Variants in NBAS observed in about 807,000 individuals in gnomAD.
NBAS encodes the protein NBAS subunit of NRZ tethering complex.
A neutral mutation model predicts 302.5 loss-of-function variants in NBAS; 219 were observed. The ratio of observed to expected loss-of-function variants is 0.72; its 90% CI spans 0.65 to 0.81. The LOEUF (loss-of-function observed/expected upper bound fraction) is 0.81, where lower values mean the gene tolerates loss of function less well. Ranked by LOEUF, NBAS falls within the 30% of genes least tolerant of loss-of-function variation. NBAS has a pLI of 0.00. For missense variants in NBAS, 2,932 were observed against 2,841.6 expected (o/e 1.03, Z -0.72); for synonymous variants, 1,118 against 1,021.6 (o/e 1.09, Z -1.80).
At chr2:15,389,952 G>A (rs1026235720) in intron 28 of NBAS, among the ~76,000 whole-genome samples, 2 of 152,164 alleles carry the variant, frequency 1.3e-5, no homozygotes, top group African/African-American at 4.8e-5. Flanking sequence ...TGAGAAGACA[G>A]AACTGAAATT....
the NBAS span, among the ~76,000 whole-genome samples, chr2:15,018,550 C>T: frequency 2.0e-5 from 3 of 152,024 alleles, no homozygotes; most frequent in Non-Finnish European, 2.9e-5. Context: ...TTTCTGCACA[C>T]ATCTAAATAA....
At chr2:15,532,698 T>A (rs1018204244) in intron 9 of NBAS, among the ~76,000 whole-genome samples, 8 of 151,660 alleles carry the variant, frequency 5.3e-5, no homozygotes, top group African/African-American at 1.7e-4. Context: ...ATGAAAACAA[T>A]CAAAAGAATC....
chr2:15,233,551 T>C (rs12616994), intron 46 of NBAS, among the ~76,000 whole-genome samples: 90,937 of 152,070 alleles, frequency 0.6, 30,014 homozygotes, highest in African/African-American at 0.87. Flanking sequence ...CCAAAAGGTA[T>C]GAAATATGGC....
chr2:15,559,062 CA>C (rs70961421), intron 1 of NBAS, among the ~76,000 whole-genome samples: 13,557 of 48,776 alleles, frequency 0.28, 1,033 homozygotes, highest in East Asian at 0.64. Context: ...GACCCTGCCT[CA>C]AAAAAAAAAA....
intron 3 of NBAS, 82 bp from the exon 4 acceptor site, chr2:15,554,220 G>A (rs968483029): frequency 8.9e-7 from 1 of 1,126,000 alleles, no homozygotes; most frequent in South Asian, 1.3e-5. Flanking sequence ...TATACTTATA[G>A]AGAGAGACAC....
At chr2:14,923,735 GGAGT>G in the NBAS span, among the ~76,000 whole-genome samples, 1 of 152,192 alleles carries the variant, frequency 6.6e-6, no homozygotes, top group African/African-American at 2.4e-5. Context: ...TGCATTCTGA[GGAGT>G]GAGAAGTGAT....
intron 9 of NBAS, among the ~76,000 whole-genome samples, chr2:15,513,719 T>C (rs1056152579): frequency 6.6e-6 from 1 of 151,412 alleles, no homozygotes; most frequent in African/African-American, 2.4e-5. Flanking sequence ...TTGGATGCAG[T>C]GGCTCATGTC....
intron 11 of NBAS, among the ~76,000 whole-genome samples, chr2:15,494,870 A>C (rs926069689): frequency 1.5e-4 from 23 of 152,246 alleles, no homozygotes; most frequent in Admixed American, 5.9e-4. Context: ...CTTCCACTTT[A>C]ATTCTGCATT....
chr2:15,144,049 A>ATATATATATATATATC, the NBAS span, among the ~76,000 whole-genome samples: 2 of 86,230 alleles, frequency 2.3e-5, no homozygotes, highest in South Asian at 9.2e-4. Flanking sequence ...ATATATAAAA[A>ATATATATATATATATC]TATATATATA....
chr2:15,081,730 A>G, the NBAS span, among the ~76,000 whole-genome samples: 1 of 152,210 alleles, frequency 6.6e-6, no homozygotes, highest in Non-Finnish European at 1.5e-5. Flanking sequence ...CAGAGCCTGT[A>G]AGATGACTGC....
At chr2:15,113,320 C>CGTGTGTGT in the NBAS span, among the ~76,000 whole-genome samples, 13,819 of 129,744 alleles carry the variant, frequency 0.11, 1,061 homozygotes, top group Admixed American at 0.14. Flanking sequence ...GGTATGAACT[C>CGTGTGTGT]GTGTGTGTGT....
chr2:15,500,914 A>G (rs1470819970), intron 11 of NBAS, among the ~76,000 whole-genome samples: 1 of 151,284 alleles, frequency 6.6e-6, no homozygotes, highest in Non-Finnish European at 1.5e-5. Context: ...ACAGAGTGAG[A>G]CTGTCTCAAA....
At chr2:14,894,682 C>T in the NBAS span, among the ~76,000 whole-genome samples, 1 of 152,044 alleles carries the variant, frequency 6.6e-6, no homozygotes, top group East Asian at 1.9e-4. Flanking sequence ...AATGAATAAG[C>T]GTTGAGAGGG....
At chr2:14,929,017 G>T in the NBAS span, among the ~76,000 whole-genome samples, 2 of 152,108 alleles carry the variant, frequency 1.3e-5, no homozygotes, top group East Asian at 1.9e-4. Flanking sequence ...GACTAATCTG[G>T]ATCCCTACCT....
At chr2:15,344,432 A>G (rs187528072) in intron 35 of NBAS, among the ~76,000 whole-genome samples, 38 of 152,312 alleles carry the variant, frequency 2.5e-4, no homozygotes, top group African/African-American at 8.9e-4. Context: ...TCCTGGACAC[A>G]TACATACATA....
chr2:14,797,094 C>CAAA, the NBAS span, among the ~76,000 whole-genome samples: 6 of 91,164 alleles, frequency 6.6e-5, no homozygotes, highest in African/African-American at 1.2e-4. Flanking sequence ...GACTCCGTCT[C>CAAA]AAAAAAAAAA....
At chr2:15,436,282 T>G (rs1246116479) in intron 21 of NBAS, among the ~76,000 whole-genome samples, 2 of 152,238 alleles carry the variant, frequency 1.3e-5, no homozygotes, top group Non-Finnish European at 2.9e-5. Context: ...TAACCCTTTC[T>G]GCATTTATCT....
intron 47 of NBAS, among the ~76,000 whole-genome samples, chr2:15,229,363 A>C (rs866311533): frequency 2.9e-4 from 43 of 150,584 alleles, no homozygotes; most frequent in Admixed American, 9.9e-4. Flanking sequence ...AAAAAAAAAA[A>C]AAAAAAAAAA....
chr2:14,889,317 A>G, the NBAS span, among the ~76,000 whole-genome samples: 1 of 152,194 alleles, frequency 6.6e-6, no homozygotes, highest in African/African-American at 2.4e-5. Flanking sequence ...ACTTAGACTG[A>G]CGTAATGCCA....
Sources: allele counts gnomAD v4.1 joint callset (sites outside exome capture counted in the v4.1 genomes callset), GRCh38; gene constraint gnomAD v4.1.1; transcripts MANE v1.5; gene names NCBI Gene and HGNC (gene_info 2026-07-23, HGNC 2026-07-21).